SORCS1: variants seen among roughly 807,000 people sequenced by gnomAD.
SORCS1 encodes VPS10 domain-containing receptor SorCS1.
A neutral mutation model predicts 146.1 loss-of-function variants in SORCS1; 60 were observed. The ratio of observed to expected loss-of-function variants is 0.41; its 90% CI spans 0.33 to 0.51. SORCS1 has a LOEUF of 0.51. Among genes scored for constraint, SORCS1 ranks in the 20% least tolerant of loss-of-function variants. The probability of loss-of-function intolerance (pLI) is 0.21; values close to 1 mark genes in which losing one functional copy is unlikely to be tolerated. For synonymous variants in SORCS1, 637 were observed against 584.0 expected, an observed-to-expected ratio of 1.09 and a Z score of -1.31; for missense variants, 1,352 against 1,487.6, an observed-to-expected ratio of 0.91 and a Z score of 1.50.
intron 1 of SORCS1, among the ~76,000 whole-genome samples, chr10:107,066,733 C>T (rs2134153907): frequency 6.6e-6 from 1 of 152,150 alleles, no homozygotes; most frequent in East Asian, 1.9e-4. Context: ...GGACTGAGTT[C>T]TCTAAAAAAA....
At chr10:107,048,233 T>C (rs1378046488) in intron 1 of SORCS1, among the ~76,000 whole-genome samples, 1 of 152,214 alleles carries the variant, frequency 6.6e-6, no homozygotes, top group Non-Finnish European at 1.5e-5. Context: ...CTGTCTTGAT[T>C]ATCAGACTGA....
intron 14 of SORCS1, among the ~76,000 whole-genome samples, chr10:106,673,961 A>C (rs1851807174): frequency 6.6e-6 from 1 of 152,092 alleles, no homozygotes; most frequent in Non-Finnish European, 1.5e-5. Context: ...TACGTCTCTC[A>C]TTGAGAAAAG....
At chr10:106,897,834 T>C (rs1951546067) in intron 2 of SORCS1, among the ~76,000 whole-genome samples, 1 of 152,234 alleles carries the variant, frequency 6.6e-6, no homozygotes, top group African/African-American at 2.4e-5. Flanking sequence ...GCTCAGGACT[T>C]TGAACTTTGA....
intron 3 of SORCS1, among the ~76,000 whole-genome samples, chr10:106,822,782 G>GTTTTTTTT (rs1158921880): frequency 1.2e-4 from 14 of 113,148 alleles, no homozygotes; most frequent in East Asian, 5.6e-4. Context: ...TTCATGTGTG[G>GTTTTTTTT]TTTTTTTTTT....
chr10:107,009,831 A>AAG (rs1957619705), intron 1 of SORCS1, among the ~76,000 whole-genome samples: 1 of 152,228 alleles, frequency 6.6e-6, no homozygotes, highest in South Asian at 2.1e-4. Context: ...AATTATTATC[A>AAG]GAGCGACAAA....
intron 3 of SORCS1, among the ~76,000 whole-genome samples, chr10:106,794,297 T>G (rs1402413759): frequency 6.6e-6 from 1 of 152,234 alleles, no homozygotes; most frequent in South Asian, 2.1e-4. Flanking sequence ...TTGTTAAAAC[T>G]AAAAGCAGGT....
chr10:107,031,983 C>T (rs187884644), intron 1 of SORCS1, among the ~76,000 whole-genome samples: 68 of 152,228 alleles, frequency 4.5e-4, no homozygotes, highest in Non-Finnish European at 5.0e-4. Context: ...TGTTTAGAAT[C>T]CCAGACATAT....
At chr10:106,709,422 A>G (rs1854794286) in intron 6 of SORCS1, 81 bp from the exon 7 acceptor site, 2 of 706,316 alleles carry the variant, frequency 2.8e-6, no homozygotes, top group African/African-American at 1.9e-5. Context: ...TGGACGTTTG[A>G]TATTTCCCTT....
intron 2 of SORCS1, 122 bp from the exon 3 acceptor site, chr10:106,829,795 A>G (rs540952639): frequency 5.9e-5 from 35 of 588,606 alleles, no homozygotes; most frequent in African/African-American, 5.6e-4. Flanking sequence ...TTCATGTAGT[A>G]TATAATGATG....
At chr10:107,018,422 G>A (rs569729974) in intron 1 of SORCS1, among the ~76,000 whole-genome samples, 15 of 151,556 alleles carry the variant, frequency 9.9e-5, no homozygotes, top group African/African-American at 2.4e-4. Context: ...TCCTTACCTC[G>A]TGATCCACCC....
At chr10:106,896,411 A>G (rs1951477335) in intron 2 of SORCS1, among the ~76,000 whole-genome samples, 1 of 148,390 alleles carries the variant, frequency 6.7e-6, no homozygotes, top group African/African-American at 2.5e-5. Context: ...CCTGGGTGAC[A>G]GAGTGAGACT....
intron 17 of SORCS1, among the ~76,000 whole-genome samples, chr10:106,661,778 C>A (rs1383634617): frequency 6.6e-6 from 1 of 152,172 alleles, no homozygotes; most frequent in Non-Finnish European, 1.5e-5. Flanking sequence ...TGTTTCATTC[C>A]AATTACTCAC....
intron 1 of SORCS1, among the ~76,000 whole-genome samples, chr10:107,092,021 A>T (rs9783169): frequency 0.14 from 21,842 of 152,156 alleles, 1,761 homozygotes; most frequent in South Asian, 0.21. Flanking sequence ...AATCTAAGAG[A>T]TTTCCGAGAA....
intron 4 of SORCS1, among the ~76,000 whole-genome samples, chr10:106,774,685 A>G (rs12248264): frequency 0.3 from 45,140 of 151,998 alleles, 6,895 homozygotes; most frequent in Non-Finnish European, 0.31. Flanking sequence ...CTGAACTTTG[A>G]GCTACCAATT....
chr10:106,934,100 C>CAAAAAAAAAAAA (rs57432764), intron 2 of SORCS1, among the ~76,000 whole-genome samples: 2 of 97,500 alleles, frequency 2.1e-5, no homozygotes, highest in African/African-American at 7.0e-5. Flanking sequence ...TCTCAAAAAA[C>CAAAAAAAAAAAA]AAAAAAAAAA....
intron 1 of SORCS1, among the ~76,000 whole-genome samples, chr10:107,027,936 T>A (rs1400159942): frequency 6.6e-6 from 1 of 152,204 alleles, no homozygotes; most frequent in Admixed American, 6.5e-5. Flanking sequence ...CTCTACCTGG[T>A]GTCTGGCACA....
At chr10:106,858,468 A>G (rs750094113) in intron 2 of SORCS1, among the ~76,000 whole-genome samples, 9 of 151,984 alleles carry the variant, frequency 5.9e-5, no homozygotes, top group Non-Finnish European at 8.8e-5. Context: ...AAATACAAAA[A>G]AATTAGCTGG....
chr10:106,958,962 G>A (rs1419272725), intron 1 of SORCS1, among the ~76,000 whole-genome samples: 1 of 152,030 alleles, frequency 6.6e-6, no homozygotes, highest in East Asian at 1.9e-4. Context: ...TGGGCATAAA[G>A]CATTTCTAGG....
intron 18 of SORCS1, among the ~76,000 whole-genome samples, chr10:106,630,073 CA>C (rs958946403): frequency 8.6e-5 from 13 of 151,954 alleles, no homozygotes; most frequent in Non-Finnish European, 1.8e-4. Context: ...AACAAAAACC[CA>C]AAAATTTTAG....
Sources: gnomAD v4.1 joint callset for allele counts (sites outside exome capture counted in the v4.1 genomes callset) on GRCh38, gnomAD v4.1.1 for gene constraint, MANE v1.5 for transcripts, NCBI Gene and HGNC (gene_info 2026-07-23, HGNC 2026-07-21) for gene names.